The following CACNB2 variants were observed in gnomAD, a reference collection of about 807,000 sequenced individuals.
The protein encoded by CACNB2 is calcium voltage-gated channel auxiliary subunit beta 2.
A neutral mutation model predicts 73.3 loss-of-function variants in CACNB2; 42 were observed. The ratio of observed to expected loss-of-function variants is 0.57; its 90% CI spans 0.45 to 0.74. The LOEUF (loss-of-function observed/expected upper bound fraction) is 0.74. CACNB2 is among the 30% of genes least tolerant of loss of function. CACNB2 has a pLI of 0.00. For missense variants in CACNB2, 940 were observed against 853.0 expected (o/e 1.10, Z -1.27); for synonymous variants, 348 against 310.3 (o/e 1.12, Z -1.28).
chr10:18,288,929 C>G (rs995459308), intron 2 of CACNB2, among the ~76,000 whole-genome samples: 1 of 152,072 alleles, frequency 6.6e-6, no homozygotes, highest in Non-Finnish European at 1.5e-5. Context: ...CCTGTCCTCC[C>G]AGCTACTCAG....
chr10:18,502,230 C>A (rs2050231319), intron 5 of CACNB2, among the ~76,000 whole-genome samples: 1 of 151,856 alleles, frequency 6.6e-6, no homozygotes, highest in Non-Finnish European at 1.5e-5. Flanking sequence ...TTACTTGAAT[C>A]TGGGAGGTGG....
chr10:18,163,394 T>C (rs2032614419), intron 2 of CACNB2, among the ~76,000 whole-genome samples: 1 of 152,198 alleles, frequency 6.6e-6, no homozygotes, highest in Non-Finnish European at 1.5e-5. Flanking sequence ...AAGAGACTTT[T>C]CAACAACAGT....
chr10:18,202,876 C>G (rs2034942081), intron 2 of CACNB2, among the ~76,000 whole-genome samples: 1 of 152,188 alleles, frequency 6.6e-6, no homozygotes, highest in East Asian at 1.9e-4. Context: ...AATTCCCTTT[C>G]TTGACATACA....
chr10:18,339,664 C>G (rs1368079225), intron 2 of CACNB2, among the ~76,000 whole-genome samples: 1 of 152,184 alleles, frequency 6.6e-6, no homozygotes, highest in Non-Finnish European at 1.5e-5. Context: ...GTTGCAATGA[C>G]TGCTCTTGTA....
intron 2 of CACNB2, among the ~76,000 whole-genome samples, chr10:18,268,081 A>G (rs761959087): frequency 1.3e-5 from 2 of 152,252 alleles, no homozygotes. Flanking sequence ...CTCCCTCTGC[A>G]TCTGAGTACA....
At chr10:18,442,625 G>C (rs1183346042) in intron 3 of CACNB2, among the ~76,000 whole-genome samples, 1 of 151,238 alleles carries the variant, frequency 6.6e-6, no homozygotes, top group Middle Eastern at 3.2e-3. Flanking sequence ...AAGATATCAA[G>C]ACCATCCTGG....
intron 2 of CACNB2, among the ~76,000 whole-genome samples, chr10:18,390,264 G>T (rs887814764): frequency 6.6e-6 from 1 of 152,232 alleles, no homozygotes; most frequent in Non-Finnish European, 1.5e-5. Context: ...CCAGGCTGGA[G>T]TGCAGTGGCA....
At chr10:18,422,636 C>A (rs1017181131) in intron 3 of CACNB2, among the ~76,000 whole-genome samples, 1 of 152,150 alleles carries the variant, frequency 6.6e-6, no homozygotes. Context: ...ATTTGTTTCT[C>A]TTGCCAAACA....
chr10:18,144,561 A>G (rs2030767969), intron 1 of CACNB2, among the ~76,000 whole-genome samples: 1 of 152,232 alleles, frequency 6.6e-6, no homozygotes, highest in South Asian at 2.1e-4. Context: ...TCCAAGCTCC[A>G]GATCTGTCTG....
In CACNB2 at chr10:18,540,076, C is replaced by CAGAT. The variant is rs2053984780; in HGVS notation, c.*354_*357dup. The CAGAT allele has an allele frequency of 4.7e-6, 1 of 213,214 alleles. No homozygotes were observed. Among genetic ancestry groups the CAGAT allele is most frequent in the Non-Finnish European group, 9.5e-6 (1 of 105,234 alleles). 13.2% of individuals were successfully genotyped at this position (213,214 alleles called of 1,614,324 possible). On this transcript the variant is annotated 3_prime_UTR_variant, in exon 14 of 14. Transcript: ENST00000324631. ...TGTATCCAACAAGCCAGAATCAGCA[C>CAGAT]AGATAAAAAGTGGAATTTCTTGTTT...
At chr10:18,293,501 C>T (rs569808524) in intron 2 of CACNB2, among the ~76,000 whole-genome samples, 4 of 152,304 alleles carry the variant, frequency 2.6e-5, no homozygotes, top group South Asian at 2.1e-4. Context: ...TAGTGCCTGC[C>T]TAATGGCATG....
intron 2 of CACNB2, among the ~76,000 whole-genome samples, chr10:18,210,088 C>T (rs1269792714): frequency 2.0e-5 from 3 of 152,156 alleles, no homozygotes; most frequent in African/African-American, 4.8e-5. Flanking sequence ...GTCATATCCC[C>T]GTTTGAAAGT....
chr10:18,491,618 A>G (rs559676900), intron 3 of CACNB2, among the ~76,000 whole-genome samples: 1 of 152,206 alleles, frequency 6.6e-6, no homozygotes, highest in East Asian at 1.9e-4. Context: ...TTCCAGACCA[A>G]AAGTAACTTT....
At chr10:18,422,168 C>T (rs1177831586) in intron 3 of CACNB2, among the ~76,000 whole-genome samples, 1 of 152,178 alleles carries the variant, frequency 6.6e-6, no homozygotes, top group African/African-American at 2.4e-5. Context: ...GGTTTGGTCG[C>T]CTGCCTTAGG....
intron 2 of CACNB2, among the ~76,000 whole-genome samples, chr10:18,247,608 A>T (rs2036918957): frequency 1.3e-5 from 2 of 152,280 alleles, no homozygotes; most frequent in South Asian, 4.1e-4. Context: ...ACTTTGCAAA[A>T]TAACTTTGTC....
At chr10:18,141,231 C>CGGGGGG in intron 1 of CACNB2, 1 of 274,262 alleles carries the variant, frequency 3.6e-6, no homozygotes, top group Non-Finnish European at 7.3e-6. Context: ...TCCGGGTGGG[C>CGGGGGG]GGGAGGGGGC....
At chr10:18,434,773 G>T (rs1052611018) in intron 3 of CACNB2, among the ~76,000 whole-genome samples, 10 of 151,912 alleles carry the variant, frequency 6.6e-5, no homozygotes, top group African/African-American at 2.4e-4. Flanking sequence ...TTTTGCATTA[G>T]AAATTAAAAC....
chr10:18,394,571 G>A (rs1428930559), intron 2 of CACNB2, among the ~76,000 whole-genome samples: 1 of 152,128 alleles, frequency 6.6e-6, no homozygotes, highest in East Asian at 1.9e-4. Flanking sequence ...GGAGGAATTA[G>A]CCAGGGAGTT....
chr10:18,325,388 T>C (rs2040542838), intron 2 of CACNB2, among the ~76,000 whole-genome samples: 1 of 151,850 alleles, frequency 6.6e-6, no homozygotes, highest in South Asian at 2.1e-4. Context: ...AGAGATAGTG[T>C]CTTGCTACGT....
Sources: gnomAD v4.1 joint callset for allele counts (sites outside exome capture counted in the v4.1 genomes callset) on GRCh38, gnomAD v4.1.1 for gene constraint, MANE v1.5 for transcripts, NCBI Gene and HGNC (gene_info 2026-07-23, HGNC 2026-07-21) for gene names.